Variants in CTBP1 observed in about 807,000 individuals in gnomAD.
The protein encoded by CTBP1 is C-terminal-binding protein 1.
In CTBP1, 11 loss-of-function variants were observed where a neutral mutation model predicts 42.1. The ratio of observed to expected loss-of-function variants is 0.26; its 90% confidence interval spans 0.16 to 0.43. The LOEUF (loss-of-function observed/expected upper bound fraction) is 0.43. Among genes scored for constraint, CTBP1 ranks in the 20% least tolerant of loss-of-function variants. The probability of loss-of-function intolerance (pLI) is 1.00; values close to 1 mark genes in which losing one functional copy is unlikely to be tolerated. For missense variants in CTBP1, 399 were observed against 624.3 expected, an observed-to-expected ratio of 0.64 and a Z score of 3.85; for synonymous variants, 324 against 277.1, an observed-to-expected ratio of 1.17 and a Z score of -1.68.
At chr4:1,249,376 C>T (rs80141110), upstream of CTBP1, 42,366 of 151,200 alleles carry the variant, frequency 0.28, 6,941 homozygotes, top group Middle Eastern at 0.44. Flanking sequence ...GGGCCGGACT[C>T]AGCGCCGCTG....
intron 1 of CTBP1, 26 bp downstream of exon 1, chr4:1,248,890 G>A (rs1467454266): frequency 2.5e-6 from 2 of 809,446 alleles, no homozygotes; most frequent in Non-Finnish European, 3.0e-6. Flanking sequence ...GCCCGCGGCC[G>A]GAAACGCGCG....
Position 1,212,126 on chromosome 4 carries a change from C to T in CTBP1, c.*114G>A, listed in dbSNP as rs1728599077. On this transcript the variant is annotated 3_prime_UTR_variant, in exon 10 of 10. Coordinates refer to ENST00000382952, the MANE Select transcript of CTBP1 (RefSeq NM_001012614.2). ...TGCCCCCTCCCGCCTCCTGACAGCCCGGACCAGTCTCTGCAGTGCCAGGGC... is the reference window on the plus strand; with the variant it reads ...TGCCCCCTCCCGCCTCCTGACAGCCTGGACCAGTCTCTGCAGTGCCAGGGC... The T allele has an allele frequency of 1.3e-5, 12 of 934,442 alleles. No individual in the cohort carries two copies. The highest frequency in any genetic ancestry group is 3.3e-5 in the East Asian group (1 of 30,280). The allele number at this position is 934,442 out of a possible 1,614,324, so 57.9% of individuals were successfully genotyped here.
intron 1 of CTBP1, among the ~76,000 whole-genome samples, chr4:1,246,251 C>T (rs1577084483): frequency 6.6e-6 from 1 of 152,278 alleles, no homozygotes; most frequent in East Asian, 1.9e-4. Context: ...CAACATCCAG[C>T]GACCACCAGA....
chr4:1,228,851 C>T (rs1017837697), intron 3 of CTBP1, among the ~76,000 whole-genome samples: 1 of 152,208 alleles, frequency 6.6e-6, no homozygotes, highest in African/African-American at 2.4e-5. Flanking sequence ...ACAAGCACGT[C>T]GGCGGAGGCA....
chr4:1,244,453 T>A (rs1320216354), intron 1 of CTBP1: 1 of 984,348 alleles, frequency 1.0e-6, no homozygotes, highest in Non-Finnish European at 1.2e-6. Context: ...CTGGTCCTCA[T>A]CCCCGCCTGC....
At chr4:1,222,047 C>T (rs1729797206) in intron 5 of CTBP1, among the ~76,000 whole-genome samples, 1 of 152,182 alleles carries the variant, frequency 6.6e-6, no homozygotes, top group African/African-American at 2.4e-5. Flanking sequence ...ACGCGGATTC[C>T]ACGCTAAGAA....
intron 4 of CTBP1, among the ~76,000 whole-genome samples, chr4:1,226,622 C>T (rs543787357): frequency 5.6e-4 from 84 of 150,856 alleles, no homozygotes; most frequent in African/African-American, 1.9e-3. Flanking sequence ...CAGACCATCC[C>T]TGGCTGAAGA....
In CTBP1 at chr4:1,238,374, T is replaced by C. The variant is rs771761058; in HGVS notation, c.8-37A>G. 2.0e-5 allele frequency: 30 copies of C among 1,514,318 alleles called. 1 individual carries two copies. The highest frequency in any genetic ancestry group is 2.5e-5 in the Non-Finnish European group (28 of 1,133,886). 93.8% of individuals were successfully genotyped at this position (1,514,318 alleles called of 1,614,324 possible). A position where few individuals can be genotyped will look rare whatever the true frequency, so the allele number is the denominator to read the frequency against. The stretch of plus-strand genomic sequence containing the variant: ...AGGCAAGTGCTCAGCCTTGCACCAC[T>C]GCGGCCCCGTGGCTACAACCCACTC... On this transcript the variant is annotated intron_variant, in intron 2 of 9. Transcript: ENST00000382952. This position sits in a 1 kb window ranked among gnomAD's most constrained non-coding sequence, Gnocchi z 5.9.
chr4:1,248,598 G>A, intron 1 of CTBP1: 1 of 830,644 alleles, frequency 1.2e-6, no homozygotes. Context: ...CGACGGGGCT[G>A]GGGTCGGTGG....
At chr4:1,223,948 C>T (rs113832080) in intron 5 of CTBP1, among the ~76,000 whole-genome samples, 1 of 152,194 alleles carries the variant, frequency 6.6e-6, no homozygotes, top group Non-Finnish European at 1.5e-5. Flanking sequence ...GGCTGCAAAG[C>T]GAGTGGGCAA....
At chr4:1,236,864 T>G (rs60846075) in intron 3 of CTBP1, 23,693 of 621,430 alleles carry the variant, frequency 0.038, 929 homozygotes, top group East Asian at 0.16. Context: ...CACCTCCTGA[T>G]GGGGCTCAGG....
At chr4:1,243,808 A>G (rs1732435186) in intron 1 of CTBP1, 1 of 985,302 alleles carries the variant, frequency 1.0e-6, no homozygotes, top group South Asian at 4.7e-5. Context: ...GTCCAAATCC[A>G]GGACCCACAC....
At chr4:1,227,886 C>T (rs1467016861) in intron 4 of CTBP1, among the ~76,000 whole-genome samples, 2 of 152,228 alleles carry the variant, frequency 1.3e-5, no homozygotes, top group African/African-American at 2.4e-5. Context: ...CATACACTGA[C>T]GGCCCTGCCC....
At chr4:1,224,928 G>T (rs1730163356) in intron 5 of CTBP1, among the ~76,000 whole-genome samples, 1 of 151,688 alleles carries the variant, frequency 6.6e-6, no homozygotes, top group African/African-American at 2.4e-5. Flanking sequence ...GTCTGTGTGT[G>T]CCATGATGTC....
chr4:1,247,769 G>A (rs548948733), intron 1 of CTBP1, among the ~76,000 whole-genome samples: 60 of 131,992 alleles, frequency 4.5e-4, no homozygotes, highest in Middle Eastern at 3.8e-3. Context: ...GGCCGGGGAG[G>A]GGGGGGGGGC....
chr4:1,226,477 G>C (rs1442212779), intron 4 of CTBP1, among the ~76,000 whole-genome samples: 1 of 151,846 alleles, frequency 6.6e-6, no homozygotes, highest in Non-Finnish European at 1.5e-5. Context: ...GCAGGCAGGG[G>C]CTGCATAGCC....
chr4:1,243,254 T>A (rs1732371010), intron 1 of CTBP1: 1 of 985,234 alleles, frequency 1.0e-6, no homozygotes, highest in Admixed American at 6.1e-5. Context: ...CACACCTGTG[T>A]CTCTGAGGAA....
chr4:1,245,399 T>C, intron 1 of CTBP1: 1 of 985,352 alleles, frequency 1.0e-6, no homozygotes, highest in Non-Finnish European at 1.2e-6. Flanking sequence ...TCCTACCACA[T>C]GTGGGGTATC....
At chr4:1,247,070 C>T (rs1056023787) in intron 1 of CTBP1, among the ~76,000 whole-genome samples, 4 of 152,194 alleles carry the variant, frequency 2.6e-5, no homozygotes, top group African/African-American at 7.2e-5. Context: ...CTGTGCACCC[C>T]GGGCCAAGCC....
Sources: gnomAD v4.1 joint callset for allele counts (sites outside exome capture counted in the v4.1 genomes callset) on GRCh38, gnomAD v4.1.1 for gene constraint, Gnocchi (gnomAD v3.1) non-coding constraint, MANE v1.5 for transcripts, NCBI Gene and HGNC (gene_info 2026-07-23, HGNC 2026-07-21) for gene names.